RSPH4A: variants seen among roughly 807,000 people sequenced by gnomAD.
The protein encoded by RSPH4A is radial spoke head component 4A, also known as radial spoke head protein 4 homolog A.
RSPH4A carries 47 observed loss-of-function variants against 71.0 expected under a neutral mutation model. That is an observed-to-expected ratio of 0.66 (90% confidence interval 0.52 to 0.84). The LOEUF (loss-of-function observed/expected upper bound fraction) is 0.84. Ranked by LOEUF, RSPH4A falls within the 40% of genes least tolerant of loss-of-function variation. The pLI, the probability that RSPH4A is intolerant of heterozygous loss-of-function variation, is 0.00. For synonymous variants in RSPH4A, 282 were observed against 302.3 expected (o/e 0.93, Z 0.70); for missense variants, 793 against 855.2 (o/e 0.93, Z 0.91).
intron 2 of RSPH4A, among the ~76,000 whole-genome samples, chr6:116,626,562 C>T (rs536757926): frequency 5.3e-5 from 8 of 152,118 alleles, no homozygotes; most frequent in Non-Finnish European, 1.2e-4. Flanking sequence ...AGGATGGTCT[C>T]GATCTACTGA....
rs371216757 is a variant in RSPH4A, at chr6:116,622,799, A to C, written c.718A>C (p.Ile240Leu). 6.2e-7 allele frequency: 1 copy of C among 1,609,840 alleles called. No individual in the cohort carries two copies. Among genetic ancestry groups the C allele is most frequent in the Non-Finnish European group, 8.5e-7 (1 of 1,176,256 alleles). ...YDHLSNMLTK[I>L]LNERPENAVD... ...TCATCTTTCTAATATGTTGACCAAG[A>C]TATTAAATGAGCGTCCTGAAAATGC... Residue 240 changes from isoleucine (I) to leucine (L), a missense_variant, in exon 2 of 6, where the codon ATA becomes CTA. Ile to Leu is a conservative substitution (Grantham distance 5). Coordinates refer to ENST00000229554, the MANE Select transcript of RSPH4A (RefSeq NM_001010892.3).
intron 1 of RSPH4A, among the ~76,000 whole-genome samples, chr6:116,620,891 C>T (rs1003821550): frequency 1.3e-5 from 2 of 152,266 alleles, no homozygotes; most frequent in Middle Eastern, 3.4e-3. Context: ...CAGAGTCTCA[C>T]GTTGTCACCC....
Position 116,630,491 on chromosome 6 carries a change from T to C in RSPH4A, c.1855T>C (p.Tyr619His). The change falls in exon 5 of 6, where the codon TAT becomes CAT. Residue 619 changes from tyrosine to histidine, a missense_variant. Coordinates refer to ENST00000229554, the MANE Select transcript of RSPH4A (RefSeq NM_001010892.3). ...GTTATCCTCAAATCTCATTCCACAATATGCTATTGCAGTCCTTCAATCCAA... is the reference window on the plus strand; with the variant it reads ...GTTATCCTCAAATCTCATTCCACAACATGCTATTGCAGTCCTTCAATCCAA... Reference protein sequence around the residue: ...TRLSSNLIPQYAIAVLQSNLW... With the variant: ...TRLSSNLIPQHAIAVLQSNLW... The C allele has an allele frequency of 6.2e-7, 1 of 1,612,424 alleles. No homozygotes were observed. The highest frequency in any genetic ancestry group is 8.5e-7 in the Non-Finnish European group (1 of 1,178,544).
chr6:116,630,999 G>A (rs920146507), intron 5 of RSPH4A, among the ~76,000 whole-genome samples: 1 of 151,416 alleles, frequency 6.6e-6, no homozygotes, highest in Non-Finnish European at 1.5e-5. Flanking sequence ...TGCTACTATC[G>A]TTTTAACTCA....
chr6:116,632,612 A>G lies in RSPH4A; in HGVS notation c.*171A>G. 4.9e-6 allele frequency: 4 copies of G among 820,550 alleles called. No homozygotes were observed. The highest frequency in any genetic ancestry group is 7.4e-6 in the Non-Finnish European group (4 of 542,276). 50.8% of individuals were successfully genotyped at this position (820,550 alleles called of 1,614,324 possible). Reference sequence around the variant, plus strand: ...CAAGCTTGAAATTTCATAGGTAGAAATATTAGCATTTTTATTGAAAGATAC... The same window carrying G: ...CAAGCTTGAAATTTCATAGGTAGAAGTATTAGCATTTTTATTGAAAGATAC... On this transcript the variant is annotated 3_prime_UTR_variant, in exon 6 of 6. Transcript: ENST00000229554.
chr6:116,621,102 G>A (rs888576937), intron 1 of RSPH4A, among the ~76,000 whole-genome samples: 2 of 151,898 alleles, frequency 1.3e-5, no homozygotes, highest in Non-Finnish European at 2.9e-5. Flanking sequence ...CAGGTGGTCC[G>A]CCCACCTCAG....
chr6:116,620,145 C>G lies in RSPH4A; in HGVS notation c.687-2623C>G, dbSNP rs116414950. Among the ~76,000 whole-genome samples, 532 of 152,230 alleles carry G rather than the reference C, an allele frequency of 3.5e-3. 3 individuals carry two copies. Among genetic ancestry groups the G allele is most frequent in the African/African-American group, 0.012 (509 of 41,522 alleles). On this transcript the variant is annotated intron_variant, in intron 1 of 5. Coordinates refer to ENST00000229554, the MANE Select transcript of RSPH4A (RefSeq NM_001010892.3). ...ATAATGCCCTATGTTAGATAGCAAG[C>G]CTGAATTTACAAACTGCTAAAATTG...
chr6:116,620,814 C>T (rs764103253), intron 1 of RSPH4A, among the ~76,000 whole-genome samples: 16 of 152,124 alleles, frequency 1.1e-4, no homozygotes, highest in Non-Finnish European at 4.4e-5. Flanking sequence ...AGCTATTGCC[C>T]GATAACCAAC....
In RSPH4A at chr6:116,616,964, C is replaced by T. The variant is rs562856574; in HGVS notation, c.341C>T (p.Thr114Met). 6.2e-7 allele frequency: 1 copy of T among 1,614,106 alleles called. No homozygotes were observed. The highest frequency in any genetic ancestry group is 8.5e-7 in the Non-Finnish European group (1 of 1,180,036). Reference protein sequence around the residue: ...LAAPPQSDRTTSVIPEAGTPY... With the variant: ...LAAPPQSDRTMSVIPEAGTPY... The stretch of plus-strand genomic sequence containing the variant: ...GCACCACCTCAGTCGGACAGGACCA[C>T]GAGTGTGATTCCTGAAGCTGGGACA... Residue 114 changes from threonine to methionine, a missense_variant, in exon 1 of 6, where the codon ACG becomes ATG. Coordinates refer to ENST00000229554, the MANE Select transcript of RSPH4A (RefSeq NM_001010892.3).
At chr6:116,630,292 G>C in intron 4 of RSPH4A, 143 bp from the exon 5 acceptor site, 1 of 719,266 alleles carries the variant, frequency 1.4e-6, no homozygotes, top group Non-Finnish European at 2.6e-6. Context: ...TTAAGTTGCT[G>C]CTGTTTTTTC....
At chr6:116,631,195 TTAG>T (rs2115367124) in intron 5 of RSPH4A, among the ~76,000 whole-genome samples, 1 of 152,350 alleles carries the variant, frequency 6.6e-6, no homozygotes, top group East Asian at 1.9e-4. Flanking sequence ...ACTTATTCAC[TTAG>T]TAGATTAATG....
rs374224665 is a variant in RSPH4A, at chr6:116,629,623, A to T, written c.1719A>T (p.Glu573Asp). 1.2e-5 allele frequency: 20 copies of T among 1,612,710 alleles called. No individual in the cohort carries two copies. The highest frequency in any genetic ancestry group is 2.2e-5 in the East Asian group (1 of 44,864). Residue 573 changes from glutamate (E) to aspartate (D), a missense_variant, in exon 4 of 6, where the codon GAA becomes GAT. By Grantham distance (45) the Glu-to-Asp change is conservative. Transcript: ENST00000229554. Reference protein sequence around the residue: ...IQKNEEEEEEEDEEKDDSDYI... With the variant: ...IQKNEEEEEEDDEEKDDSDYI... ...AAAATGAGGAAGAAGAAGAGGAAGAAGATGAAGAAAAAGACGATTCTGACT... is the reference window on the plus strand; with the variant it reads ...AAAATGAGGAAGAAGAAGAGGAAGATGATGAAGAAAAAGACGATTCTGACT...
At chr6:116,631,633 C>T (rs932138800) in intron 5 of RSPH4A, among the ~76,000 whole-genome samples, 2 of 152,164 alleles carry the variant, frequency 1.3e-5, no homozygotes, top group Admixed American at 6.5e-5. Context: ...GACCTAGGAA[C>T]GGAAGCACCT....
At chr6:116,624,388 G>A (rs1446482154) in intron 2 of RSPH4A, among the ~76,000 whole-genome samples, 1 of 152,220 alleles carries the variant, frequency 6.6e-6, no homozygotes, top group Non-Finnish European at 1.5e-5. Flanking sequence ...ATCAAAGAAA[G>A]TTCAGACTCC....
Position 116,632,487 on chromosome 6 carries a change from AC to A in RSPH4A, c.*50del. 1 of 1,570,262 alleles carries A rather than the reference AC, an allele frequency of 6.4e-7. No homozygotes were observed. Among genetic ancestry groups the A allele is most frequent in the Non-Finnish European group, 8.6e-7 (1 of 1,157,262 alleles). ...TTTTATGTGACACTGATACACACAC[AC>A]CCCTTATATGGGACTAATTTTACAC... On this transcript the variant is annotated 3_prime_UTR_variant, in exon 6 of 6. Coordinates refer to ENST00000229554, the MANE Select transcript of RSPH4A (RefSeq NM_001010892.3).
Position 116,617,137 on chromosome 6 carries a change from A to T in RSPH4A, c.514A>T (p.Lys172Ter). The stretch of plus-strand genomic sequence containing the variant: ...AAGGGACGTGAGCTATAACAACGCT[A>T]AACAGAAAGAGCTGAGATTTGACGT... ...GRRDVSYNNA[K>*]QKELRFDVFQ... The change falls in exon 1 of 6, where the codon AAA becomes TAA. Residue 172 changes from lysine to a stop codon, truncating the protein, a stop_gained. Transcript: ENST00000229554. LOFTEE classifies it high-confidence loss of function. 1 of 1,614,214 alleles carries T rather than the reference A, an allele frequency of 6.2e-7. No homozygotes were observed. Among genetic ancestry groups the T allele is most frequent in the South Asian group, 1.1e-5 (1 of 91,084 alleles).
rs1775826979 is a variant in RSPH4A, at chr6:116,632,644, G to T, written c.*203G>T. On this transcript the variant is annotated 3_prime_UTR_variant, in exon 6 of 6. Transcript: ENST00000229554. ...CATTTTTATTGAAAGATACTCACAG[G>T]ATTTTCCAGAGGCTAAATAACATGC... 2 of 613,594 alleles carry T rather than the reference G, an allele frequency of 3.3e-6. No homozygotes were observed. The highest frequency in any genetic ancestry group is 5.4e-6 in the Non-Finnish European group (2 of 368,362). The allele number at this position is 613,594 out of a possible 1,614,324, so 38.0% of individuals were successfully genotyped here.
intron 2 of RSPH4A, among the ~76,000 whole-genome samples, chr6:116,626,586 C>T (rs1775698778): frequency 6.6e-6 from 1 of 152,144 alleles, no homozygotes; most frequent in African/African-American, 2.4e-5. Flanking sequence ...TGTGATCCAC[C>T]TGGCTCGGCC....
In RSPH4A at chr6:116,628,328, C is replaced by G; in HGVS notation, c.1621C>G (p.Leu541Val). ...GIQVIDLVES[L>V]SNWVHHVQHI... The stretch of plus-strand genomic sequence containing the variant: ...CCAAGTGATTGATCTAGTAGAATCC[C>G]TATCCAATTGGGTTCATCATGTACA... The change falls in exon 3 of 6, where the codon CTA becomes GTA. Residue 541 changes from leucine to valine, a missense_variant. Transcript: ENST00000229554. 1.9e-6 allele frequency: 3 copies of G among 1,612,820 alleles called. No homozygotes were observed. Among genetic ancestry groups the G allele is most frequent in the Non-Finnish European group, 8.5e-7 (1 of 1,179,668 alleles).
Sources: gnomAD v4.1 joint callset for allele counts (sites outside exome capture counted in the v4.1 genomes callset) on GRCh38, gnomAD v4.1.1 for gene constraint, MANE v1.5 for transcripts, NCBI Gene and HGNC (gene_info 2026-07-23, HGNC 2026-07-21) for gene names.